TNRC6C: variants seen among roughly 807,000 people sequenced by gnomAD.
TNRC6C encodes trinucleotide repeat containing adaptor 6C, also known as trinucleotide repeat-containing gene 6C protein.
In TNRC6C, 20 loss-of-function variants were observed where a neutral mutation model predicts 153.7. The observed-to-expected ratio is 0.13, with a 90% CI of 0.09 to 0.19. The LOEUF is 0.19. TNRC6C is among the 10% of genes least tolerant of loss of function. TNRC6C has a pLI of 1.00. For missense variants in TNRC6C, 1,987 were observed against 2,172.0 expected, an observed-to-expected ratio of 0.91 and a Z score of 1.69; for synonymous variants, 811 against 841.4, an observed-to-expected ratio of 0.96 and a Z score of 0.63.
At chr17:78,094,885 G>A (rs969173038) in intron 16 of TNRC6C, among the ~76,000 whole-genome samples, 2 of 152,122 alleles carry the variant, frequency 1.3e-5, no homozygotes, top group African/African-American at 2.4e-5. Context: ...GCTGCGTTTC[G>A]GAACAGGGAT....
Position 78,086,328 on chromosome 17 carries a change from T to TAAAAAAAAAA in TNRC6C, c.3478-152_3478-143dup, listed in dbSNP as rs58348772. On this transcript the variant is annotated intron_variant, in intron 11 of 19. Transcript: ENST00000301624. ...CTGGATGACAGAGCGAGACTCCATC[T>TAAAAAAAAAA]AAAAAAAAAAAAAAAAAAAAAAAAA... Among the ~76,000 whole-genome samples the TAAAAAAAAAA allele has an allele frequency of 1.3e-4, 7 of 53,374 alleles. 1 individual carries two copies. Among genetic ancestry groups the TAAAAAAAAAA allele is most frequent in the Non-Finnish European group, 1.7e-4 (4 of 23,424 alleles). The allele number at this position is 53,374 out of a possible 152,430, so 35.0% of individuals were successfully genotyped here.
At chr17:78,023,826 C>T (rs1379970285) in intron 1 of TNRC6C, among the ~76,000 whole-genome samples, 2 of 146,408 alleles carry the variant, frequency 1.4e-5, no homozygotes, top group Non-Finnish European at 1.5e-5. Context: ...ACAAAAAAGC[C>T]TGGCCGGGCA....
exon 3 of TNRC6C, chr17:78,050,210 A>C: frequency 1.3e-6 from 2 of 1,538,088 alleles, no homozygotes; most frequent in Non-Finnish European, 1.7e-6. Context: ...GAACACATGA[A>C]CTCCTGGGCC....
intron 2 of TNRC6C, among the ~76,000 whole-genome samples, chr17:78,043,802 G>A (rs1234913031): frequency 1.3e-5 from 2 of 151,798 alleles, no homozygotes; most frequent in East Asian, 3.9e-4. Flanking sequence ...CCACAAATAA[G>A]TGAGAACATG....
chr17:77,982,821 A>G (rs1177190553), intron 1 of TNRC6C, among the ~76,000 whole-genome samples: 3 of 152,236 alleles, frequency 2.0e-5, no homozygotes, highest in African/African-American at 4.8e-5. Context: ...ACGGAGCAAG[A>G]TTTCATGTCA....
intron 2 of TNRC6C, among the ~76,000 whole-genome samples, chr17:78,042,109 A>AT (rs1276290628): frequency 6.6e-6 from 1 of 152,182 alleles, no homozygotes; most frequent in African/African-American, 2.4e-5. Context: ...CAACCATGCT[A>AT]TTATGTAATC....
At chr17:78,067,876 T>G in exon 5 of TNRC6C, 3 of 1,613,736 alleles carry the variant, frequency 1.9e-6, no homozygotes, top group Non-Finnish European at 2.5e-6. Flanking sequence ...AGAAAGCACC[T>G]CCTCCTGCAG....
chr17:78,079,586 C>T lies in TNRC6C; in HGVS notation c.3357+45C>T, dbSNP rs768315351. On this transcript the variant is annotated intron_variant, in intron 10 of 19. Coordinates refer to ENST00000301624, the Ensembl canonical transcript of TNRC6C. This position sits in a 1 kb window ranked among gnomAD's most constrained non-coding sequence, Gnocchi z 4.3. ...AGGACTGAGCAACAGGATATAGATG[C>T]CAGTGTTTCGTGGGGTCCTGTGTTA... The T allele has an allele frequency of 4.4e-6, 7 of 1,598,670 alleles. No individual in the cohort carries two copies. The South Asian group carries it at 6.6e-5, about 15-fold the overall frequency.
intron 1 of TNRC6C, among the ~76,000 whole-genome samples, chr17:78,014,040 C>T (rs76402227): frequency 0.047 from 7,108 of 152,200 alleles, 230 homozygotes; most frequent in Middle Eastern, 0.092. Flanking sequence ...ACTTTGGCTC[C>T]CTCTTCTGGC....
chr17:78,058,004 A>C (rs570004739), intron 3 of TNRC6C, among the ~76,000 whole-genome samples: 10 of 152,144 alleles, frequency 6.6e-5, no homozygotes, highest in Admixed American at 6.5e-4. Context: ...CATTCTGGAG[A>C]TAAAACAACA....
intron 1 of TNRC6C, among the ~76,000 whole-genome samples, chr17:78,015,359 T>G (rs1315505002): frequency 3.3e-5 from 5 of 152,214 alleles, no homozygotes; most frequent in African/African-American, 1.2e-4. Context: ...CATCCAAATT[T>G]CAGAAAGAAG....
intron 3 of TNRC6C, among the ~76,000 whole-genome samples, chr17:78,056,722 C>T (rs144576206): frequency 2.2e-3 from 331 of 152,178 alleles, no homozygotes; most frequent in African/African-American, 5.9e-3. Context: ...GCCTCGACCC[C>T]GCAAAGTGCT....
chr17:77,973,919 C>G (rs1310588061), intron 1 of TNRC6C, among the ~76,000 whole-genome samples: 2 of 152,000 alleles, frequency 1.3e-5, no homozygotes, highest in African/African-American at 4.8e-5. Flanking sequence ...CTAGATTGAT[C>G]TGTAGATTTG....
chr17:77,981,365 T>G (rs529108553), intron 1 of TNRC6C, among the ~76,000 whole-genome samples: 1 of 152,252 alleles, frequency 6.6e-6, no homozygotes, highest in East Asian at 1.9e-4. Context: ...GGGCTGAAAG[T>G]CCTAACCTTC....
chr17:78,060,912 T>G (rs1372908246), intron 3 of TNRC6C, among the ~76,000 whole-genome samples: 1 of 152,214 alleles, frequency 6.6e-6, no homozygotes, highest in Non-Finnish European at 1.5e-5. Flanking sequence ...CTTAACAATG[T>G]TCAGTGAGAG....
At chr17:78,059,614 G>A (rs1047530709) in intron 3 of TNRC6C, among the ~76,000 whole-genome samples, 5 of 152,196 alleles carry the variant, frequency 3.3e-5, no homozygotes, top group African/African-American at 1.2e-4. Flanking sequence ...TTGGGAGGCT[G>A]AGCCAGGTGG....
intron 3 of TNRC6C, among the ~76,000 whole-genome samples, chr17:78,054,834 A>G (rs2072617953): frequency 6.6e-6 from 1 of 151,650 alleles, no homozygotes. Context: ...GTACGCTACC[A>G]TACACCACTG....
upstream of TNRC6C, chr17:78,004,114 A>C: frequency 8.1e-7 from 1 of 1,230,758 alleles, no homozygotes; most frequent in Middle Eastern, 3.1e-4. Context: ...GTGCTTTTTC[A>C]TTGTTTGACT....
chr17:77,960,586 G>A (rs960149357), intron 1 of TNRC6C, among the ~76,000 whole-genome samples: 3 of 152,206 alleles, frequency 2.0e-5, no homozygotes, highest in Non-Finnish European at 4.4e-5. Context: ...TGTAGGGGGT[G>A]TTGGCAATGA....
Sources: gnomAD v4.1 joint callset for allele counts (sites outside exome capture counted in the v4.1 genomes callset) on GRCh38, gnomAD v4.1.1 for gene constraint, Gnocchi (gnomAD v3.1) non-coding constraint, MANE v1.5 for transcripts, NCBI Gene and HGNC (gene_info 2026-07-23, HGNC 2026-07-21) for gene names.